The following PDE4D variants were observed in gnomAD, a reference collection of about 807,000 sequenced individuals.
PDE4D encodes 3',5'-cyclic-AMP phosphodiesterase 4D.
A neutral mutation model predicts 87.4 loss-of-function variants in PDE4D; 24 were observed. The ratio of observed to expected loss-of-function variants is 0.27; its 90% CI spans 0.20 to 0.39. The LOEUF (loss-of-function observed/expected upper bound fraction) is 0.39, where lower values mean the gene tolerates loss of function less well. Among genes scored for constraint, PDE4D ranks in the 10% least tolerant of loss-of-function variants. PDE4D has a pLI of 1.00. For missense variants in PDE4D, 714 were observed against 1,041.0 expected (o/e 0.69, Z 4.32); for synonymous variants, 384 against 383.2 (o/e 1.00, Z -0.02).
chr5:59,772,630 T>C (rs1030838560), intron 1 of PDE4D, among the ~76,000 whole-genome samples: 6 of 152,226 alleles, frequency 3.9e-5, no homozygotes, highest in Non-Finnish European at 7.3e-5. Flanking sequence ...AAGGCTAGAT[T>C]TCCCACAATG....
chr5:60,382,380 T>C (rs1212033769), intron 1 of PDE4D, among the ~76,000 whole-genome samples: 1 of 152,146 alleles, frequency 6.6e-6, no homozygotes, highest in Non-Finnish European at 1.5e-5. Context: ...CAAGGTCCTA[T>C]GGGGTTTCAT....
At chr5:59,465,017 C>A (rs1801367224) in intron 1 of PDE4D, among the ~76,000 whole-genome samples, 1 of 152,182 alleles carries the variant, frequency 6.6e-6, no homozygotes. Flanking sequence ...CTGAATCACA[C>A]ACATCCATTA....
At chr5:59,799,611 T>C (rs568693565) in intron 1 of PDE4D, among the ~76,000 whole-genome samples, 1 of 152,300 alleles carries the variant, frequency 6.6e-6, no homozygotes, top group African/African-American at 2.4e-5. Context: ...ATGACAAACA[T>C]AGCATAGTAA....
intron 2 of PDE4D, among the ~76,000 whole-genome samples, chr5:60,057,773 C>T (rs1770936601): frequency 6.6e-6 from 1 of 151,882 alleles, no homozygotes; most frequent in South Asian, 2.1e-4. Context: ...GGTATAGGTA[C>T]TTATGACCAA....
intron 1 of PDE4D, among the ~76,000 whole-genome samples, chr5:60,459,403 T>A (rs1243595710): frequency 8.5e-5 from 13 of 152,126 alleles, no homozygotes; most frequent in Admixed American, 8.5e-4. Flanking sequence ...TTTCTTTTTT[T>A]AAACAAGAGA....
At chr5:60,019,849 C>T (rs1437814058) in intron 2 of PDE4D, among the ~76,000 whole-genome samples, 1 of 152,138 alleles carries the variant, frequency 6.6e-6, no homozygotes, top group Non-Finnish European at 1.5e-5. Context: ...CAATTTCCTT[C>T]AAGAACTTCT....
chr5:59,295,497 G>A (rs143905725), intron 1 of PDE4D, among the ~76,000 whole-genome samples: 84 of 152,210 alleles, frequency 5.5e-4, no homozygotes, highest in South Asian at 2.1e-3. Context: ...GGTTATCCAG[G>A]TAGCTCTTCA....
chr5:59,645,210 TTCTG>T (rs1381289692), intron 1 of PDE4D, among the ~76,000 whole-genome samples: 1 of 152,192 alleles, frequency 6.6e-6, no homozygotes, highest in East Asian at 1.9e-4. Context: ...CTAGAAATGT[TTCTG>T]TCTACCACAG....
intron 1 of PDE4D, among the ~76,000 whole-genome samples, chr5:59,666,342 A>T (rs1746073525): frequency 1.3e-5 from 2 of 152,164 alleles, no homozygotes; most frequent in African/African-American, 4.8e-5. Flanking sequence ...TGCCAAAAAG[A>T]CTAATTCTAC....
intron 1 of PDE4D, among the ~76,000 whole-genome samples, chr5:59,624,372 G>C (rs1397823187): frequency 6.6e-6 from 1 of 152,040 alleles, no homozygotes; most frequent in Non-Finnish European, 1.5e-5. Flanking sequence ...TTAATGAACA[G>C]AAAGTTAAAA....
rs1758907652 is a variant in PDE4D at position 59,741,987 on chromosome 5, G to A, written c.455+151181C>T. Among the ~76,000 whole-genome samples, 6 of 152,202 alleles carry A rather than the reference G, an allele frequency of 3.9e-5. No homozygotes were observed. In the South Asian group the frequency reaches 1.2e-3, roughly 32 times the overall value. On this transcript the variant is annotated intron_variant, in intron 1 of 14. Transcript: ENST00000340635. ...TTGTTGAGAATGGTTTGCACCAGAA[G>A]GATCTTCTATCACCAGTATTACTGT...
At chr5:59,480,325 A>G (rs921981430) in intron 1 of PDE4D, among the ~76,000 whole-genome samples, 7 of 152,138 alleles carry the variant, frequency 4.6e-5, no homozygotes, top group African/African-American at 1.2e-4. Flanking sequence ...ATATACATGG[A>G]AAGTATATAT....
intron 3 of PDE4D, among the ~76,000 whole-genome samples, chr5:59,188,457 G>A (rs1376961951): frequency 6.6e-6 from 1 of 152,096 alleles, no homozygotes; most frequent in East Asian, 1.9e-4. Flanking sequence ...ATCTTCTTAG[G>A]TGCTTCTAAA....
chr5:59,432,494 A>T (rs1796247299), intron 1 of PDE4D, among the ~76,000 whole-genome samples: 2 of 152,148 alleles, frequency 1.3e-5, no homozygotes, highest in Admixed American at 1.3e-4. Flanking sequence ...GCTAGCTTAC[A>T]AATTGTGAAC....
intron 1 of PDE4D, among the ~76,000 whole-genome samples, chr5:59,333,615 A>C (rs1777124459): frequency 6.6e-6 from 1 of 152,204 alleles, no homozygotes; most frequent in Non-Finnish European, 1.5e-5. Flanking sequence ...CAGAGCAATT[A>C]AAATCAGCAG....
rs536793178 is a variant in PDE4D at position 59,156,120 on chromosome 5, T to C, written c.808+24475A>G. Among the ~76,000 whole-genome samples the C allele has an allele frequency of 3.3e-5, 5 of 151,960 alleles. No homozygotes were observed. In the South Asian group the frequency reaches 8.3e-4, roughly 25 times the overall value. On this transcript the variant is annotated intron_variant, in intron 5 of 14. Transcript: ENST00000340635. Reference sequence around the variant, plus strand: ...AGCTTGAAGTGATGTGGGATTATTTTTCCCAGGAATTCAGGTAAGGAAGTG... The same window carrying C: ...AGCTTGAAGTGATGTGGGATTATTTCTCCCAGGAATTCAGGTAAGGAAGTG...
Position 60,388,763 on chromosome 5 carries a change from GAGGCCTAAA to G in PDE4D, c.-90+99170_-90+99178del, listed in dbSNP as rs553800053. Among the ~76,000 whole-genome samples, 143 of 152,304 alleles carry G rather than the reference GAGGCCTAAA, an allele frequency of 9.4e-4. 3 individuals are homozygous for G. In the South Asian group the frequency reaches 0.029, roughly 31 times the overall value. ...GTTAGAGGGAAAGATTCCGTTTCCT[GAGGCCTAAA>G]GTGCCCCAACATTATAACAAGGATT... On this transcript the variant is annotated intron_variant, in intron 1 of 16. Transcript: ENST00000502484.
At chr5:59,096,776 A>G (rs1769804330) in intron 5 of PDE4D, among the ~76,000 whole-genome samples, 1 of 152,202 alleles carries the variant, frequency 6.6e-6, no homozygotes, top group African/African-American at 2.4e-5. Flanking sequence ...CAGAGAAACT[A>G]AATCCTCATG....
At chr5:59,575,620 G>T (rs1341109447) in intron 1 of PDE4D, among the ~76,000 whole-genome samples, 1 of 152,074 alleles carries the variant, frequency 6.6e-6, no homozygotes, top group Non-Finnish European at 1.5e-5. Context: ...AATTTTTATA[G>T]AAACAGTATC....
Sources: gnomAD v4.1 joint callset for allele counts (sites outside exome capture counted in the v4.1 genomes callset) on GRCh38, gnomAD v4.1.1 for gene constraint, MANE v1.5 for transcripts, NCBI Gene and HGNC (gene_info 2026-07-23, HGNC 2026-07-21) for gene names.